Variants in DISC1 observed in about 807,000 individuals in gnomAD.
DISC1 encodes the protein disrupted in schizophrenia 1 protein.
DISC1 carries 57 observed loss-of-function variants against 84.5 expected under a neutral mutation model. The ratio of observed to expected loss-of-function variants is 0.67; its 90% CI spans 0.55 to 0.84. DISC1 has a LOEUF of 0.84. DISC1 is among the 40% of genes least tolerant of loss of function. The pLI is 0.00. For missense variants in DISC1, 1,000 were observed against 1,057.8 expected (o/e 0.95, Z 0.76); for synonymous variants, 411 against 415.2 (o/e 0.99, Z 0.12).
chr1:231,654,737 G>A (rs1350927730), intron 1 of DISC1, among the ~76,000 whole-genome samples: 1 of 152,036 alleles, frequency 6.6e-6, no homozygotes, highest in East Asian at 1.9e-4. Context: ...TGGATTACTT[G>A]TTTCTGTTCT....
At chr1:231,690,082 A>G (rs368226944) in intron 1 of DISC1, among the ~76,000 whole-genome samples, 4 of 152,306 alleles carry the variant, frequency 2.6e-5, no homozygotes, top group African/African-American at 7.2e-5. Context: ...CTAGGTAAAC[A>G]TATATTTCCA....
intron 9 of DISC1, among the ~76,000 whole-genome samples, chr1:231,942,213 A>T (rs1235750697): frequency 2.6e-5 from 4 of 152,186 alleles, no homozygotes; most frequent in African/African-American, 9.7e-5. Context: ...TACTTCCAGG[A>T]AGAAGGACAA....
chr1:231,729,134 T>G (rs777259213), intron 3 of DISC1, among the ~76,000 whole-genome samples: 1 of 152,220 alleles, frequency 6.6e-6, no homozygotes, highest in Non-Finnish European at 1.5e-5. Context: ...GAATGATGGT[T>G]TCTAGCTTCA....
intron 10 of DISC1, among the ~76,000 whole-genome samples, chr1:231,960,493 T>C (rs1487143461): frequency 6.6e-6 from 1 of 152,138 alleles, no homozygotes; most frequent in Non-Finnish European, 1.5e-5. Context: ...CCTCCGGTGA[T>C]CCACGGCCTT....
At chr1:231,734,730 T>A (rs557238981) in intron 3 of DISC1, among the ~76,000 whole-genome samples, 4 of 152,246 alleles carry the variant, frequency 2.6e-5, no homozygotes, top group Non-Finnish European at 5.9e-5. Context: ...GGCAATAGGC[T>A]AAGTGCTGAG....
chr1:231,953,109 A>T (rs892193613), intron 9 of DISC1, among the ~76,000 whole-genome samples: 1 of 152,172 alleles, frequency 6.6e-6, no homozygotes, highest in African/African-American at 2.4e-5. Context: ...TGCTTCACTG[A>T]TACTATTATT....
chr1:232,007,501 T>C (rs1667606718), intron 10 of DISC1, among the ~76,000 whole-genome samples: 1 of 152,208 alleles, frequency 6.6e-6, no homozygotes, highest in African/African-American at 2.4e-5. Flanking sequence ...AATTTGGAGT[T>C]GCGTGGGGCC....
At chr1:231,977,165 G>A (rs1572448184) in intron 10 of DISC1, among the ~76,000 whole-genome samples, 4 of 152,126 alleles carry the variant, frequency 2.6e-5, no homozygotes, top group South Asian at 2.1e-4. Flanking sequence ...ATTTCAATAC[G>A]TGGCCAAACT....
At chr1:231,878,660 G>A (rs1048144743) in intron 9 of DISC1, among the ~76,000 whole-genome samples, 5 of 152,046 alleles carry the variant, frequency 3.3e-5, no homozygotes, top group African/African-American at 1.2e-4. Context: ...AGTGTAATAT[G>A]CATGCAAGAA....
intron 10 of DISC1, among the ~76,000 whole-genome samples, chr1:231,992,827 TC>T (rs1419809757): frequency 6.6e-6 from 1 of 152,234 alleles, no homozygotes; most frequent in Non-Finnish European, 1.5e-5. Flanking sequence ...GAATGTAGCT[TC>T]CCTGAGTGTT....
At chr1:231,742,790 G>GCC (rs35769948) in intron 3 of DISC1, among the ~76,000 whole-genome samples, 39,545 of 151,580 alleles carry the variant, frequency 0.26, 5,590 homozygotes, top group East Asian at 0.43. Context: ...CATGCCAGTA[G>GCC]TCCCAGCTAC....
Position 231,903,630 on chromosome 1 carries a change from C to T in DISC1, c.1982-55198C>T, listed in dbSNP as rs569131243. Among the ~76,000 whole-genome samples the T allele has an allele frequency of 1.1e-4, 17 of 152,160 alleles. 1 individual carries two copies. Among genetic ancestry groups the T allele is most frequent in the East Asian group, 3.9e-4 (2 of 5,166 alleles). On this transcript the variant is annotated intron_variant, in intron 9 of 12. Coordinates refer to ENST00000439617, the MANE Select transcript of DISC1 (RefSeq NM_018662.3). ...CAGAGGCCTCCGCAAAAGCAGCAGA[C>T]GAACAGTGTGGATTTATGGGGAGGG... is the stretch of plus-strand genomic sequence containing the variant.
At position 231,626,919 on chromosome 1, in the gene DISC1, G is replaced by C. The variant is rs773369045; in HGVS notation, c.52G>C (p.Val18Leu). 6 of 1,505,026 alleles carry C rather than the reference G, an allele frequency of 4.0e-6. No individual in the cohort carries two copies. The South Asian group carries it at 7.4e-5, about 19-fold the overall frequency. 93.2% of individuals were successfully genotyped at this position (1,505,026 alleles called of 1,614,324 possible). Residue 18 changes from valine (V) to leucine (L), a missense_variant, in exon 1 of 13, where the codon GTG becomes CTG. By Grantham distance (32) the Val-to-Leu change is conservative. Around this residue, in one of 3 missense-constraint regions of DISC1, gnomAD observed 292 missense variants for 280.2 expected, o/e 1.04. Coordinates refer to ENST00000439617, the MANE Select transcript of DISC1 (RefSeq NM_018662.3). ...GAPAAAGGGG[V>L]SHRAGSRDCL... ...CCCAGCCGCCGCCGGCGGCGGCGGCGTGAGCCACCGCGCAGGTAGGGGAGC... is the reference window on the plus strand; with the variant it reads ...CCCAGCCGCCGCCGGCGGCGGCGGCCTGAGCCACCGCGCAGGTAGGGGAGC...
Position 231,773,864 on chromosome 1 carries a change from A to G in DISC1, c.1634+2794A>G, listed in dbSNP as rs1382979188. ...CACTGAGATTACAGAGGTCAGGTCAAGAACAGGCTGCCACGTTTTTGTGCT... is the reference window on the plus strand; with the variant it reads ...CACTGAGATTACAGAGGTCAGGTCAGGAACAGGCTGCCACGTTTTTGTGCT... On this transcript the variant is annotated intron_variant, in intron 6 of 12. Transcript: ENST00000439617. Among the ~76,000 whole-genome samples, 9 of 152,286 alleles carry G rather than the reference A, an allele frequency of 5.9e-5. No individual in the cohort carries two copies. The East Asian group carries it at 1.2e-3, about 20-fold the overall frequency.
chr1:231,685,351 G>A (rs1013359183), intron 1 of DISC1, among the ~76,000 whole-genome samples: 5 of 152,206 alleles, frequency 3.3e-5, no homozygotes, highest in East Asian at 1.9e-4. Context: ...AGATATACCC[G>A]AGACTTGGAA....
chr1:231,691,650 TC>T (rs922612985), intron 1 of DISC1, among the ~76,000 whole-genome samples: 1 of 152,266 alleles, frequency 6.6e-6, no homozygotes, highest in African/African-American at 2.4e-5. Context: ...GACTCATTTT[TC>T]AAGATACGAA....
intron 4 of DISC1, among the ~76,000 whole-genome samples, chr1:231,753,502 G>A (rs1225406495): frequency 2.0e-5 from 3 of 152,196 alleles, no homozygotes; most frequent in Non-Finnish European, 4.4e-5. Context: ...GGGGCCCTGG[G>A]GCTGGCCCAT....
chr1:231,633,541 G>C (rs961848457), intron 1 of DISC1, among the ~76,000 whole-genome samples: 1 of 152,152 alleles, frequency 6.6e-6, no homozygotes, highest in African/African-American at 2.4e-5. Flanking sequence ...TCCACATTTT[G>C]CTTCCTTCCC....
intron 1 of DISC1, among the ~76,000 whole-genome samples, chr1:231,681,358 A>C (rs983437481): frequency 1.3e-5 from 2 of 151,722 alleles, no homozygotes; most frequent in African/African-American, 2.4e-5. Context: ...TGGAGAACAT[A>C]GATAGAGTGT....
Sources: allele counts gnomAD v4.1 joint callset (sites outside exome capture counted in the v4.1 genomes callset), GRCh38; gene constraint gnomAD v4.1.1; regional missense constraint gnomAD v4.1.1; transcripts MANE v1.5; gene names NCBI Gene and HGNC (gene_info 2026-07-23, HGNC 2026-07-21).